SP4: variants seen among roughly 807,000 people sequenced by gnomAD.
SP4 encodes transcription factor Sp4.
In SP4, 19 loss-of-function variants were observed where a neutral mutation model predicts 72.8. That is an observed-to-expected ratio of 0.26 (90% CI 0.18 to 0.38). The LOEUF (loss-of-function observed/expected upper bound fraction) is 0.38, where lower values mean the gene tolerates loss of function less well. Among genes scored for constraint, SP4 ranks in the 10% least tolerant of loss-of-function variants. SP4 has a pLI of 1.00. For synonymous variants in SP4, 395 were observed against 333.1 expected (o/e 1.19, Z -2.02); for missense variants, 1,008 against 926.3 (o/e 1.09, Z -1.14).
intron 3 of SP4, among the ~76,000 whole-genome samples, chr7:21,458,718 C>A (rs750832265): frequency 6.6e-6 from 1 of 152,114 alleles, no homozygotes; most frequent in Non-Finnish European, 1.5e-5. Context: ...TTCCCTACTA[C>A]TGAAGATAGA....
intron 3 of SP4, among the ~76,000 whole-genome samples, chr7:21,435,056 A>G (rs1783002907): frequency 6.6e-6 from 1 of 152,240 alleles, no homozygotes; most frequent in Non-Finnish European, 1.5e-5. Context: ...CTTTAGAGCT[A>G]TGTAGGAACA....
intron 2 of SP4, 43 bp downstream of exon 2, chr7:21,428,835 G>C (rs1014263942): frequency 4.2e-6 from 6 of 1,415,756 alleles, no homozygotes; most frequent in Non-Finnish European, 5.8e-6. Context: ...GACACATTAG[G>C]AGAGAGAGGG....
chr7:21,491,180 A>G (rs1184610751), intron 5 of SP4, among the ~76,000 whole-genome samples: 2 of 152,224 alleles, frequency 1.3e-5, no homozygotes, highest in Non-Finnish European at 2.9e-5. Flanking sequence ...AAATCAATGG[A>G]AAGGCAGAAG....
intron 4 of SP4, among the ~76,000 whole-genome samples, chr7:21,479,185 A>G (rs990144372): frequency 5.3e-5 from 8 of 150,040 alleles, no homozygotes; most frequent in Admixed American, 1.3e-4. Flanking sequence ...AGAGTTTTCT[A>G]TTTTCCTTTA....
chr7:21,503,831 T>G (rs1439487053), intron 5 of SP4, among the ~76,000 whole-genome samples: 1 of 152,220 alleles, frequency 6.6e-6, no homozygotes, highest in Non-Finnish European at 1.5e-5. Context: ...TTAACACAAT[T>G]TCCACATGCT....
At chr7:21,444,590 AGTGT>A (rs1159743534) in intron 3 of SP4, among the ~76,000 whole-genome samples, 1 of 152,124 alleles carries the variant, frequency 6.6e-6, no homozygotes, top group African/African-American at 2.4e-5. Flanking sequence ...TGTATACTGT[AGTGT>A]TTGTTTTCTG....
At chr7:21,474,207 A>G (rs1036556997) in intron 3 of SP4, among the ~76,000 whole-genome samples, 2 of 152,182 alleles carry the variant, frequency 1.3e-5, no homozygotes, top group African/African-American at 4.8e-5. Flanking sequence ...CTTGAAACTC[A>G]TCTAGCAGTT....
rs1363399084 is a variant in SP4 at position 21,513,697 on chromosome 7, A to G, written c.*2428A>G. The G allele has an allele frequency of 6.6e-6, 1 of 152,224 alleles. No individual in the cohort carries two copies. The highest frequency in any genetic ancestry group is 1.5e-5 in the Non-Finnish European group (1 of 68,028). The allele number at this position is 152,224 out of a possible 1,614,324, so 9.4% of individuals were successfully genotyped here. On this transcript the variant is annotated 3_prime_UTR_variant, in exon 6 of 6. Transcript: ENST00000222584. Reference sequence around the variant, plus strand: ...ACTCTGCATCATTATTCCATGAACCAGTTCTAATGCAAACCTATGTATGTC... The same window carrying G: ...ACTCTGCATCATTATTCCATGAACCGGTTCTAATGCAAACCTATGTATGTC...
At chr7:21,457,929 A>G (rs908883337) in intron 3 of SP4, among the ~76,000 whole-genome samples, 5 of 152,224 alleles carry the variant, frequency 3.3e-5, no homozygotes, top group Admixed American at 1.3e-4. Flanking sequence ...ATGTATTTCT[A>G]AAATGTACTA....
chr7:21,456,493 G>A (rs985947549), intron 3 of SP4, among the ~76,000 whole-genome samples: 1 of 152,192 alleles, frequency 6.6e-6, no homozygotes, highest in Admixed American at 6.5e-5. Context: ...ATCCACAAGG[G>A]AGCCCCTGTC....
In SP4 at chr7:21,430,233, A is replaced by G; in HGVS notation, c.1068A>G (p.Glu356=). ...QYASTSASSS[E]RTIEESQTPA... is the part of the protein sequence containing the mutation. The stretch of plus-strand genomic sequence containing the variant: ...CAAGCACATCAGCCAGTAGTTCTGA[A>G]CGCACCATTGAAGAATCTCAAACAC... Residue 356 remains glutamate (E), a synonymous_variant, in exon 3 of 6, where the codon GAA becomes GAG. Coordinates refer to ENST00000222584, the MANE Select transcript of SP4 (RefSeq NM_003112.5). The G allele has an allele frequency of 5.6e-6, 9 of 1,614,212 alleles. No homozygotes were observed. The highest frequency in any genetic ancestry group is 5.9e-6 in the Non-Finnish European group (7 of 1,180,040).
chr7:21,499,923 G>A (rs1781821570), intron 5 of SP4, among the ~76,000 whole-genome samples: 1 of 152,144 alleles, frequency 6.6e-6, no homozygotes, highest in Non-Finnish European at 1.5e-5. Flanking sequence ...GATACAGAAA[G>A]CTTAAAAGAT....
intron 3 of SP4, among the ~76,000 whole-genome samples, chr7:21,475,082 A>G (rs1230335442): frequency 6.6e-6 from 1 of 151,722 alleles, no homozygotes. Flanking sequence ...GCAGCTTTGA[A>G]ATAACCTCCC....
chr7:21,441,404 C>A (rs1401674481), intron 3 of SP4, among the ~76,000 whole-genome samples: 2 of 152,176 alleles, frequency 1.3e-5, no homozygotes, highest in African/African-American at 4.8e-5. Context: ...CAGAGTAGCT[C>A]AGGGTTTGCC....
At chr7:21,436,846 T>A (rs1410517281) in intron 3 of SP4, among the ~76,000 whole-genome samples, 1 of 152,220 alleles carries the variant, frequency 6.6e-6, no homozygotes, top group African/African-American at 2.4e-5. Flanking sequence ...TAAATGAGCC[T>A]CTTTCTCCCA....
chr7:21,506,509 TCTATAATTCCCTTGTCTC>T (rs570049794), intron 5 of SP4, among the ~76,000 whole-genome samples: 3 of 152,344 alleles, frequency 2.0e-5, no homozygotes, highest in African/African-American at 7.2e-5. Context: ...TGTGTTGAAA[TCTATAATTCCCTTGTCTC>T]CTAAGTGGGG....
rs142404357 is a variant in SP4 at position 21,430,413 on chromosome 7, C to T, written c.1248C>T (p.Ile416=). ...AGATCCAACAGCCTCAGCAACAGAT[C>T]ATTCAGGCTATTCCACCACAGTCGT... ...QIQIQQPQQQ[I]IQAIPPQSFQ... is the part of the protein sequence containing the mutation. Residue 416 remains isoleucine, a synonymous_variant, in exon 3 of 6, where the codon ATC becomes ATT. Coordinates refer to ENST00000222584, the MANE Select transcript of SP4 (RefSeq NM_003112.5). The T allele has an allele frequency of 3.1e-6, 5 of 1,614,088 alleles. No individual in the cohort carries two copies. Among genetic ancestry groups the T allele is most frequent in the Non-Finnish European group, 4.2e-6 (5 of 1,180,054 alleles).
intron 3 of SP4, among the ~76,000 whole-genome samples, chr7:21,442,384 C>T (rs1315611352): frequency 6.6e-6 from 1 of 152,130 alleles, no homozygotes; most frequent in Non-Finnish European, 1.5e-5. Flanking sequence ...TAATCAAAGG[C>T]ATGTCATAGT....
At chr7:21,428,443 A>T (rs1347161626) in intron 1 of SP4, among the ~76,000 whole-genome samples, 185 bp downstream of exon 1, 1 of 152,090 alleles carries the variant, frequency 6.6e-6, no homozygotes, top group Non-Finnish European at 1.5e-5. Flanking sequence ...GAGAGAGAAC[A>T]ACCTCCTTCT....
Sources: allele counts gnomAD v4.1 joint callset (sites outside exome capture counted in the v4.1 genomes callset), GRCh38; gene constraint gnomAD v4.1.1; transcripts MANE v1.5; gene names NCBI Gene and HGNC (gene_info 2026-07-23, HGNC 2026-07-21).